NARS2: variants seen among roughly 807,000 people sequenced by gnomAD.
NARS2 encodes asparaginyl-tRNA synthetase 2, mitochondrial.
A neutral mutation model predicts 62.9 loss-of-function variants in NARS2; 60 were observed. The ratio of observed to expected loss-of-function variants is 0.95; its 90% confidence interval spans 0.77 to 1.18. The LOEUF (loss-of-function observed/expected upper bound fraction) is 1.18, where lower values mean the gene tolerates loss of function less well. NARS2 is among the 50% of genes most tolerant of loss of function. The pLI, the probability that NARS2 is intolerant of heterozygous loss-of-function variation, is 0.00. For synonymous variants in NARS2, 196 were observed against 200.0 expected (o/e 0.98, Z 0.17); for missense variants, 619 against 576.4 (o/e 1.07, Z -0.76).
At chr11:78,541,184 T>C (rs1378307399) in intron 5 of NARS2, among the ~76,000 whole-genome samples, 1 of 152,162 alleles carries the variant, frequency 6.6e-6, no homozygotes, top group Non-Finnish European at 1.5e-5. Context: ...TTAATTCAAC[T>C]TCCCTCTTGT....
At chr11:78,498,428 TAACTTTTCTCCCG>T (rs1039829020) in intron 6 of NARS2, among the ~76,000 whole-genome samples, 3 of 152,202 alleles carry the variant, frequency 2.0e-5, no homozygotes, top group Admixed American at 2.0e-4. Flanking sequence ...CTAGAACCTT[TAACTTTTCTCCCG>T]ATACTTTTCC....
chr11:78,500,533 G>T (rs1002115876), intron 6 of NARS2, among the ~76,000 whole-genome samples: 3 of 151,962 alleles, frequency 2.0e-5, no homozygotes, highest in African/African-American at 7.3e-5. Flanking sequence ...GGGTGCAGTG[G>T]CACAAACACA....
intron 10 of NARS2, among the ~76,000 whole-genome samples, chr11:78,466,805 G>A (rs1370429817): frequency 2.0e-5 from 3 of 152,116 alleles, no homozygotes; most frequent in Non-Finnish European, 4.4e-5. Context: ...AATAAAAAGA[G>A]TCAACTCATG....
intron 13 of NARS2, among the ~76,000 whole-genome samples, chr11:78,437,070 A>G (rs1435061539): frequency 6.6e-6 from 1 of 152,174 alleles, no homozygotes; most frequent in South Asian, 2.1e-4. Flanking sequence ...TTAAGCTATT[A>G]TATTTATGCA....
chr11:78,551,845 T>G (rs1332916119), intron 5 of NARS2, among the ~76,000 whole-genome samples: 1 of 151,684 alleles, frequency 6.6e-6, no homozygotes, highest in East Asian at 1.9e-4. Context: ...GAGCGAGACT[T>G]TGTCTCAAAA....
intron 11 of NARS2, among the ~76,000 whole-genome samples, chr11:78,451,117 C>T (rs981832988): frequency 1.3e-5 from 2 of 152,214 alleles, no homozygotes; most frequent in Non-Finnish European, 2.9e-5. Context: ...GCTAAAGATT[C>T]TGCACACTCT....
At chr11:78,485,407 C>CA (rs906982382) in intron 7 of NARS2, among the ~76,000 whole-genome samples, 39 of 150,692 alleles carry the variant, frequency 2.6e-4, no homozygotes, top group African/African-American at 4.9e-4. Flanking sequence ...TAAAAAAAAA[C>CA]AAAAAAAACT....
intron 10 of NARS2, among the ~76,000 whole-genome samples, chr11:78,467,380 T>TA (rs201311369): frequency 0.022 from 3,270 of 151,514 alleles, 103 homozygotes; most frequent in African/African-American, 0.067. Context: ...CTACAAAAAA[T>TA]AAAAAAATCA....
chr11:78,555,316 A>T (rs1856308908), intron 5 of NARS2: 1 of 152,134 alleles, frequency 6.6e-6, no homozygotes, highest in African/African-American at 2.4e-5. Context: ...CCAGCTCTTC[A>T]TTGTACATCT....
chr11:78,511,512 T>C (rs972665936), intron 6 of NARS2, among the ~76,000 whole-genome samples: 2 of 152,120 alleles, frequency 1.3e-5, no homozygotes, highest in Non-Finnish European at 1.5e-5. Context: ...AGTTAGGAGA[T>C]TGAGACCATC....
intron 11 of NARS2, among the ~76,000 whole-genome samples, chr11:78,444,718 C>CAAAAAA (rs747610936): frequency 1.7e-5 from 1 of 58,060 alleles, no homozygotes; most frequent in Non-Finnish European, 3.3e-5. Context: ...GACTCTGTCT[C>CAAAAAA]AAACAAAACA....
At chr11:78,479,761 C>T (rs1206653845) in intron 7 of NARS2, among the ~76,000 whole-genome samples, 6 of 152,198 alleles carry the variant, frequency 3.9e-5, no homozygotes, top group Non-Finnish European at 1.5e-5. Context: ...CTGTTGCATA[C>T]CAGTAGATCC....
At chr11:78,468,310 G>GAAAAAAAAAAAAAAAAAAAAAAAAAA (rs764254167) in intron 10 of NARS2, among the ~76,000 whole-genome samples, 22 of 67,418 alleles carry the variant, frequency 3.3e-4, no homozygotes, top group African/African-American at 1.3e-3. Flanking sequence ...CACTAAATCT[G>GAAAAAAAAAAAAAAAAAAAAAAAAAA]AAAAAAAAAA....
At chr11:78,564,030 C>A (rs1856658356) in intron 4 of NARS2, among the ~76,000 whole-genome samples, 1 of 148,812 alleles carries the variant, frequency 6.7e-6, no homozygotes, top group Non-Finnish European at 1.5e-5. Context: ...TCCCGAGTAG[C>A]TGGAACTACA....
At chr11:78,450,640 T>C (rs1046184560) in intron 11 of NARS2, among the ~76,000 whole-genome samples, 10 of 151,090 alleles carry the variant, frequency 6.6e-5, no homozygotes, top group Non-Finnish European at 8.8e-5. Flanking sequence ...GGTGAACCTC[T>C]GAAGAAAAGC....
chr11:78,444,632 T>A (rs1330147175), intron 11 of NARS2, among the ~76,000 whole-genome samples: 1 of 150,860 alleles, frequency 6.6e-6, no homozygotes, highest in African/African-American at 2.4e-5. Flanking sequence ...GGCAGGAGAA[T>A]TGCTTAAACC....
At position 78,553,707 on chromosome 11, in the gene NARS2, G is replaced by A. The variant is rs1194854466; in HGVS notation, c.594+5832C>T. On this transcript the variant is annotated intron_variant, in intron 5 of 13. Transcript: ENST00000281038. ...AATATTTTCTTCCATTCTGTAGGCT[G>A]TTTATTCTGCTGACAGTTTCTTTTG... is the stretch of plus-strand genomic sequence containing the variant. Among the ~76,000 whole-genome samples the A allele has an allele frequency of 2.9e-4, 44 of 152,186 alleles. 1 individual carries two copies. The highest frequency in any genetic ancestry group is 2.8e-3 in the Admixed American group (43 of 15,276).
intron 5 of NARS2, among the ~76,000 whole-genome samples, chr11:78,544,189 A>G (rs1277134565): frequency 6.6e-6 from 1 of 152,120 alleles, no homozygotes; most frequent in South Asian, 2.1e-4. Context: ...ATCTCCATAT[A>G]GCAGCCAGAA....
intron 13 of NARS2, among the ~76,000 whole-genome samples, chr11:78,437,896 A>C (rs1591113067): frequency 6.8e-6 from 1 of 147,562 alleles, no homozygotes; most frequent in East Asian, 2.0e-4. Flanking sequence ...AGTCGCTTGA[A>C]CCTGGGAAGT....
Sources: allele counts gnomAD v4.1 joint callset (sites outside exome capture counted in the v4.1 genomes callset), GRCh38; gene constraint gnomAD v4.1.1; transcripts MANE v1.5; gene names NCBI Gene and HGNC (gene_info 2026-07-23, HGNC 2026-07-21).